The following ZNF503 variants were observed in gnomAD, a reference collection of about 807,000 sequenced individuals.
ZNF503 encodes the protein zinc finger protein 503.
ZNF503 carries 15 observed loss-of-function variants against 34.4 expected under a neutral mutation model. The ratio of observed to expected loss-of-function variants is 0.44; its 90% CI spans 0.29 to 0.67. ZNF503 has a LOEUF of 0.67. Ranked by LOEUF, ZNF503 falls within the 30% of genes least tolerant of loss-of-function variation. The pLI is 0.13. For synonymous variants in ZNF503, 580 were observed against 456.8 expected (o/e 1.27, Z -3.44); for missense variants, 1,007 against 926.8 (o/e 1.09, Z -1.12).
At chr10:75,374,481 C>T in the ZNF503 span, among the ~76,000 whole-genome samples, 1 of 152,166 alleles carries the variant, frequency 6.6e-6, no homozygotes, top group Non-Finnish European at 1.5e-5. Context: ...TTCGCACTTG[C>T]CACCCTCTTG....
the ZNF503 span, among the ~76,000 whole-genome samples, chr10:75,340,925 G>A: frequency 2.6e-5 from 4 of 152,212 alleles, no homozygotes; most frequent in South Asian, 8.3e-4. Context: ...AGGGAAAGAT[G>A]GTTGTAATAT....
At chr10:75,334,035 A>C in the ZNF503 span, among the ~76,000 whole-genome samples, 1 of 115,044 alleles carries the variant, frequency 8.7e-6, no homozygotes. Context: ...CCGGGCGGAG[A>C]CGCTCCTCAC....
At chr10:75,372,826 C>A in the ZNF503 span, among the ~76,000 whole-genome samples, 4 of 152,220 alleles carry the variant, frequency 2.6e-5, no homozygotes, top group Non-Finnish European at 5.9e-5. Flanking sequence ...CCATGGCACC[C>A]TGAACCCATT....
the ZNF503 span, among the ~76,000 whole-genome samples, chr10:75,328,700 T>A: frequency 6.6e-6 from 1 of 152,068 alleles, no homozygotes; most frequent in Admixed American, 6.6e-5. Context: ...GTATGGTCAT[T>A]ATCACAATAT....
chr10:75,376,021 G>C, the ZNF503 span, among the ~76,000 whole-genome samples: 1 of 152,194 alleles, frequency 6.6e-6, no homozygotes. Flanking sequence ...CAGAAGTGAG[G>C]CTAGGGCTAG....
chr10:75,307,159 G>A, the ZNF503 span, among the ~76,000 whole-genome samples: 1 of 152,214 alleles, frequency 6.6e-6, no homozygotes, highest in Non-Finnish European at 1.5e-5. Context: ...CAGGCTGAAA[G>A]CTAGGCCTCT....
chr10:75,397,362 C>T (rs1016437108), downstream of ZNF503, among the ~76,000 whole-genome samples: 8 of 152,224 alleles, frequency 5.3e-5, no homozygotes, highest in African/African-American at 1.7e-4. Flanking sequence ...CCCCCAGCGC[C>T]CCTCCGCCTC....
downstream of ZNF503, among the ~76,000 whole-genome samples, chr10:75,396,947 G>A (rs933333884): frequency 1.3e-5 from 2 of 152,228 alleles, no homozygotes; most frequent in African/African-American, 4.8e-5. The surrounding 1 kb of genome is among the most constrained non-coding windows in gnomAD (Gnocchi z 4.4). Flanking sequence ...CGCGCCACAG[G>A]GAGCTGCGCC....
chr10:75,340,948 G>A, the ZNF503 span, among the ~76,000 whole-genome samples: 2 of 152,134 alleles, frequency 1.3e-5, no homozygotes, highest in Non-Finnish European at 2.9e-5. Context: ...TACGTGAAAA[G>A]AGCAGATCCC....
chr10:75,302,613 T>C, the ZNF503 span, among the ~76,000 whole-genome samples: 1 of 152,250 alleles, frequency 6.6e-6, no homozygotes, highest in African/African-American at 2.4e-5. Context: ...AGCCTCTGGC[T>C]AACCCAGGAT....
chr10:75,292,343 G>C, the ZNF503 span, among the ~76,000 whole-genome samples: 1 of 152,194 alleles, frequency 6.6e-6, no homozygotes, highest in Non-Finnish European at 1.5e-5. Context: ...CTTAGAGTAA[G>C]CAAGAAAGAG....
chr10:75,395,546 G>A (rs1235503549), downstream of ZNF503, among the ~76,000 whole-genome samples: 1 of 152,264 alleles, frequency 6.6e-6, no homozygotes, highest in South Asian at 2.1e-4. This position sits in a 1 kb window ranked among gnomAD's most constrained non-coding sequence, Gnocchi z 4.4. Context: ...GCGCGCCGGG[G>A]ATCCCGCGGC....
chr10:75,318,885 T>C, the ZNF503 span, among the ~76,000 whole-genome samples: 2 of 151,554 alleles, frequency 1.3e-5, no homozygotes, highest in African/African-American at 4.9e-5. Flanking sequence ...CTCCCTTTCT[T>C]CCTTCCTTCT....
chr10:75,320,793 A>G, the ZNF503 span, among the ~76,000 whole-genome samples: 22,978 of 152,262 alleles, frequency 0.15, 2,029 homozygotes, highest in Non-Finnish European at 0.2. Context: ...GTGATCTACC[A>G]TATTAACAAG....
At chr10:75,382,769 C>T in the ZNF503 span, 10 of 324,456 alleles carry the variant, frequency 3.1e-5, no homozygotes, top group Admixed American at 3.9e-5. Flanking sequence ...CTCAGAATCT[C>T]GTGGGTCAGC....
chr10:75,401,876 C>T (rs960448667), upstream of ZNF503: 6 of 190,040 alleles, frequency 3.2e-5, no homozygotes, highest in Non-Finnish European at 6.3e-5. Context: ...GGATGTGACG[C>T]GTCCCGCGCC....
chr10:75,382,702 C>A, the ZNF503 span: 1 of 345,830 alleles, frequency 2.9e-6, no homozygotes, highest in South Asian at 2.7e-5. Context: ...TCTCTCTTTT[C>A]TCTGGAAAGC....
chr10:75,312,877 C>T, the ZNF503 span, among the ~76,000 whole-genome samples: 1 of 152,104 alleles, frequency 6.6e-6, no homozygotes, highest in Non-Finnish European at 1.5e-5. Flanking sequence ...AGGGTATGGC[C>T]AGGTGGAGAT....
At position 75,398,638 on chromosome 10, in the gene ZNF503, C is replaced by T. The variant is rs1843733771; in HGVS notation, c.*111G>A. ...TATACATTTCTTTCCTTTCGTGGCCCGAGTCCTCCCCACGCGCGGGTGTCA... is the reference window on the plus strand; with the variant it reads ...TATACATTTCTTTCCTTTCGTGGCCTGAGTCCTCCCCACGCGCGGGTGTCA... On this transcript the variant is annotated 3_prime_UTR_variant, in exon 2 of 2. Transcript: ENST00000372524. 5 of 1,034,932 alleles carry T rather than the reference C, an allele frequency of 4.8e-6. No individual in the cohort carries two copies. Among genetic ancestry groups the T allele is most frequent in the East Asian group, 6.4e-5 (2 of 31,496 alleles). 64.1% of individuals were successfully genotyped at this position (1,034,932 alleles called of 1,614,324 possible). A position where few individuals can be genotyped will look rare whatever the true frequency, so the allele number is the denominator to read the frequency against.
Sources: gnomAD v4.1 joint callset for allele counts (sites outside exome capture counted in the v4.1 genomes callset) on GRCh38, gnomAD v4.1.1 for gene constraint, Gnocchi (gnomAD v3.1) non-coding constraint, MANE v1.5 for transcripts, NCBI Gene and HGNC (gene_info 2026-07-23, HGNC 2026-07-21) for gene names.